STEAP1B: variants seen among roughly 807,000 people sequenced by gnomAD.
The protein encoded by STEAP1B is STEAP family protein MGC87042.
In STEAP1B, 13 loss-of-function variants were observed where a neutral mutation model predicts 27.9. The observed-to-expected ratio is 0.47, with a 90% CI of 0.30 to 0.74. The LOEUF (loss-of-function observed/expected upper bound fraction) is 0.74, where lower values mean the gene tolerates loss of function less well. Ranked by LOEUF, STEAP1B falls within the 30% of genes least tolerant of loss-of-function variation. The probability of loss-of-function intolerance (pLI) is 0.06; values close to 1 mark genes in which losing one functional copy is unlikely to be tolerated. For missense variants in STEAP1B, 250 were observed against 298.7 expected, an observed-to-expected ratio of 0.84 and a Z score of 1.20; for synonymous variants, 86 against 107.1, an observed-to-expected ratio of 0.80 and a Z score of 1.22.
intron 4 of STEAP1B, among the ~76,000 whole-genome samples, chr7:22,474,983 T>C (rs560556277): frequency 6.6e-6 from 1 of 152,340 alleles, no homozygotes; most frequent in South Asian, 2.1e-4. Context: ...ACTCATATGT[T>C]CTTTGAATGA....
At chr7:22,492,319 C>CAAAGAAAAAA (rs1786338861) in intron 4 of STEAP1B, 1 of 54,400 alleles carries the variant, frequency 1.8e-5, no homozygotes, top group East Asian at 8.3e-4. Context: ...ACTTCATCTC[C>CAAAGAAAAAA]AAAAAAAAAA....
intron 4 of STEAP1B, among the ~76,000 whole-genome samples, chr7:22,462,327 C>T (rs1323603179): frequency 6.9e-6 from 1 of 145,360 alleles, no homozygotes; most frequent in African/African-American, 2.6e-5. Flanking sequence ...GTGTGCTGCA[C>T]CCACTAACTC....
At chr7:22,465,423 A>G (rs972286410) in intron 4 of STEAP1B, among the ~76,000 whole-genome samples, 3 of 152,132 alleles carry the variant, frequency 2.0e-5, no homozygotes, top group African/African-American at 7.2e-5. Context: ...TGGAGTACAC[A>G]GATTACCTGC....
intron 4 of STEAP1B, among the ~76,000 whole-genome samples, chr7:22,423,761 T>C (rs1373176785): frequency 1.3e-5 from 2 of 152,176 alleles, no homozygotes; most frequent in African/African-American, 2.4e-5. Context: ...AGGCACAGTG[T>C]TTCACACTTG....
chr7:22,422,719 T>C (rs1785059831), intron 4 of STEAP1B, among the ~76,000 whole-genome samples: 1 of 152,212 alleles, frequency 6.6e-6, no homozygotes, highest in Non-Finnish European at 1.5e-5. Flanking sequence ...GGTCTCGAAC[T>C]CCTGACCTCA....
In STEAP1B at chr7:22,474,687, G is replaced by C. The variant is rs115522389; in HGVS notation, c.762+17878C>G. Among the ~76,000 whole-genome samples, 648 of 152,362 alleles carry C rather than the reference G, an allele frequency of 4.3e-3. 1 individual carries two copies. The highest frequency in any genetic ancestry group is 0.015 in the African/African-American group (624 of 41,592). ...GGTGAGATGCTGGAGCAGGGCTCAA[G>C]TTCCTGTAGCCATGAGTTCAAACAA... On this transcript the variant is annotated intron_variant, in intron 4 of 4. Transcript: ENST00000678116.
Position 22,454,849 on chromosome 7 carries a change from G to GTA in STEAP1B, c.763-35015_763-35014dup, listed in dbSNP as rs1345852147. On this transcript the variant is annotated intron_variant, in intron 4 of 4. Coordinates refer to ENST00000678116, the MANE Select transcript of STEAP1B (RefSeq NM_001382447.1). ...ATATTATATATATATATATATATAT[G>GTA]TATATATATATATATATTTTTTTTT... Among the ~76,000 whole-genome samples, 116 of 100,868 alleles carry GTA rather than the reference G, an allele frequency of 1.2e-3. No homozygotes were observed. In the South Asian group the frequency reaches 0.013, roughly 11 times the overall value. The allele number at this position is 100,868 out of a possible 152,430, so 66.2% of individuals were successfully genotyped here. A position where few individuals can be genotyped will look rare whatever the true frequency, so the allele number is the denominator to read the frequency against.
At chr7:22,439,615 A>C (rs1302412675) in intron 4 of STEAP1B, among the ~76,000 whole-genome samples, 1 of 152,196 alleles carries the variant, frequency 6.6e-6, no homozygotes, top group East Asian at 1.9e-4. Flanking sequence ...ATTTTGGGGG[A>C]GCACAGGTTC....
chr7:22,440,783 A>G (rs1032749438), intron 4 of STEAP1B, among the ~76,000 whole-genome samples: 6 of 152,028 alleles, frequency 3.9e-5, no homozygotes, highest in African/African-American at 1.4e-4. Flanking sequence ...AGACACTGAA[A>G]TAACATTCTT....
At chr7:22,434,611 G>C (rs1437805158) in intron 4 of STEAP1B, among the ~76,000 whole-genome samples, 1 of 152,164 alleles carries the variant, frequency 6.6e-6, no homozygotes, top group Non-Finnish European at 1.5e-5. Flanking sequence ...AGGTTTCTAA[G>C]CACTTATGTA....
At chr7:22,482,879 CT>C (rs978991429) in intron 4 of STEAP1B, among the ~76,000 whole-genome samples, 7 of 152,138 alleles carry the variant, frequency 4.6e-5, no homozygotes, top group Admixed American at 4.6e-4. Flanking sequence ...TTATGAGTGG[CT>C]TTGAACTGGG....
intron 4 of STEAP1B, among the ~76,000 whole-genome samples, chr7:22,483,239 T>C (rs1055532826): frequency 3.3e-5 from 5 of 152,086 alleles, no homozygotes; most frequent in Admixed American, 1.3e-4. Flanking sequence ...CATTCTGTCA[T>C]CTGGGAGAAA....
intron 4 of STEAP1B, among the ~76,000 whole-genome samples, chr7:22,430,370 A>C (rs78486986): frequency 2.0e-5 from 3 of 152,180 alleles, no homozygotes; most frequent in Non-Finnish European, 2.9e-5. Context: ...CTAATAGAAC[A>C]ACTATTCTCC....
chr7:22,483,677 C>A (rs1349686560), intron 4 of STEAP1B, among the ~76,000 whole-genome samples: 1 of 152,084 alleles, frequency 6.6e-6, no homozygotes, highest in Admixed American at 6.5e-5. Flanking sequence ...GATGTTACTA[C>A]CGTAATTGTT....
chr7:22,453,851 G>C (rs1208903331), intron 4 of STEAP1B, among the ~76,000 whole-genome samples: 1 of 152,112 alleles, frequency 6.6e-6, no homozygotes, highest in Non-Finnish European at 1.5e-5. Context: ...ACCTAATACT[G>C]TCTATGAGAT....
intron 4 of STEAP1B, among the ~76,000 whole-genome samples, chr7:22,489,725 C>T (rs1224851077): frequency 6.6e-6 from 1 of 152,172 alleles, no homozygotes; most frequent in Non-Finnish European, 1.5e-5. Flanking sequence ...TCCCTCACAG[C>T]CCTCAAAAGG....
intron 4 of STEAP1B, among the ~76,000 whole-genome samples, chr7:22,463,803 A>G (rs1785723180): frequency 6.6e-6 from 1 of 151,674 alleles, no homozygotes; most frequent in Admixed American, 6.6e-5. Flanking sequence ...ACAAAAATCA[A>G]TTCAAGATGG....
chr7:22,456,972 A>ATATATATTATTTTTTTTTTTT, intron 4 of STEAP1B, among the ~76,000 whole-genome samples: 1 of 57,046 alleles, frequency 1.8e-5, no homozygotes. Context: ...ATATATATAT[A>ATATATATTATTTTTTTTTTTT]TTTTTTTTTT....
chr7:22,495,041 T>G (rs1349695681), intron 1 of STEAP1B, among the ~76,000 whole-genome samples, 155 bp from the exon 2 acceptor site: 3 of 152,254 alleles, frequency 2.0e-5, no homozygotes, highest in Non-Finnish European at 4.4e-5. Context: ...TTTAACTTCA[T>G]ATTATAATCT....
Sources: allele counts gnomAD v4.1 joint callset (sites outside exome capture counted in the v4.1 genomes callset), GRCh38; gene constraint gnomAD v4.1.1; transcripts MANE v1.5; gene names NCBI Gene and HGNC (gene_info 2026-07-23, HGNC 2026-07-21).